Variants in POU6F2 observed in about 807,000 individuals in gnomAD.
The protein encoded by POU6F2 is POU class 6 homeobox 2, also known as POU domain, class 6, transcription factor 2.
A neutral mutation model predicts 71.3 loss-of-function variants in POU6F2; 31 were observed. The ratio of observed to expected loss-of-function variants is 0.43; its 90% CI spans 0.33 to 0.59. The LOEUF (loss-of-function observed/expected upper bound fraction) is 0.59, where lower values mean the gene tolerates loss of function less well. Among genes scored for constraint, POU6F2 ranks in the 20% least tolerant of loss-of-function variants. The pLI is 0.04. For missense variants in POU6F2, 783 were observed against 856.8 expected (o/e 0.91, Z 1.07); for synonymous variants, 347 against 355.7 (o/e 0.98, Z 0.27).
At chr7:39,398,473 T>C (rs1428276213) in intron 5 of POU6F2, among the ~76,000 whole-genome samples, 2 of 151,568 alleles carry the variant, frequency 1.3e-5, no homozygotes, top group Admixed American at 6.6e-5. Context: ...CTGTCTTCCA[T>C]ATCCCCACCC....
intron 2 of POU6F2, among the ~76,000 whole-genome samples, chr7:39,153,116 G>A (rs1187300993): frequency 9.9e-5 from 15 of 152,140 alleles, no homozygotes; most frequent in Admixed American, 1.3e-4. Context: ...GGTGATGTGC[G>A]TTGGACAAAG....
At chr7:39,134,704 G>A (rs1792354960) in intron 2 of POU6F2, among the ~76,000 whole-genome samples, 1 of 152,124 alleles carries the variant, frequency 6.6e-6, no homozygotes, top group East Asian at 1.9e-4. Flanking sequence ...GCAAGCTCCA[G>A]GCAGGCTTAG....
chr7:39,402,180 GTGATAC>G (rs1787319210), intron 5 of POU6F2, among the ~76,000 whole-genome samples: 1 of 152,190 alleles, frequency 6.6e-6, no homozygotes, highest in Non-Finnish European at 1.5e-5. Context: ...CTTCCATCAT[GTGATAC>G]TATGTATGGT....
chr7:39,131,132 T>TC (rs1792268629), intron 2 of POU6F2, among the ~76,000 whole-genome samples: 1 of 152,290 alleles, frequency 6.6e-6, no homozygotes, highest in South Asian at 2.1e-4. Context: ...TGTGAAATTT[T>TC]CCCCACGTCG....
chr7:39,080,340 C>G (rs1031631137), intron 1 of POU6F2, among the ~76,000 whole-genome samples: 10 of 152,080 alleles, frequency 6.6e-5, no homozygotes, highest in African/African-American at 2.4e-4. Context: ...TTTCCCCAAA[C>G]CTACCAACGC....
chr7:39,455,810 G>A lies in POU6F2; in HGVS notation c.1489+4109G>A, dbSNP rs143441364. On this transcript the variant is annotated intron_variant, in intron 8 of 9. Coordinates refer to ENST00000518318, the MANE Select transcript of POU6F2 (RefSeq NM_001370959.1). ...AATTCAGTATGTGCCCAGTGACCAC[G>A]CAACCAGATTCTACAAAGCAGGTTT... is the stretch of plus-strand genomic sequence containing the variant. Among the ~76,000 whole-genome samples, 105 of 152,208 alleles carry A rather than the reference G, an allele frequency of 6.9e-4. 1 individual carries two copies. In the South Asian group the frequency reaches 0.012, roughly 17 times the overall value.
intron 2 of POU6F2, among the ~76,000 whole-genome samples, chr7:39,112,376 A>G (rs1791833047): frequency 6.6e-6 from 1 of 152,240 alleles, no homozygotes; most frequent in Admixed American, 6.5e-5. Context: ...GAAATAGCAC[A>G]TAGCACAAAA....
chr7:39,211,974 C>T (rs1464650094), intron 4 of POU6F2, among the ~76,000 whole-genome samples: 1 of 151,102 alleles, frequency 6.6e-6, no homozygotes, highest in Non-Finnish European at 1.5e-5. Flanking sequence ...CTGTCAGGAA[C>T]TCTCCATTTT....
At chr7:39,355,684 C>T (rs986445344) in intron 5 of POU6F2, among the ~76,000 whole-genome samples, 2 of 152,144 alleles carry the variant, frequency 1.3e-5, no homozygotes, top group African/African-American at 2.4e-5. Flanking sequence ...CCCCAGCCTT[C>T]GCCCACACAC....
chr7:39,100,999 T>G (rs959231609), intron 2 of POU6F2, among the ~76,000 whole-genome samples: 1 of 152,106 alleles, frequency 6.6e-6, no homozygotes, highest in African/African-American at 2.4e-5. Flanking sequence ...CTGACCCGCC[T>G]TTCCACACCA....
At chr7:39,187,153 T>C (rs1211362995) in intron 2 of POU6F2, among the ~76,000 whole-genome samples, 1 of 152,198 alleles carries the variant, frequency 6.6e-6, no homozygotes, top group Non-Finnish European at 1.5e-5. Context: ...TATTTCAATT[T>C]AGAGATGACA....
chr7:39,377,080 G>GTATTAAATAACTTAAA (rs1298599375), intron 5 of POU6F2, among the ~76,000 whole-genome samples: 1 of 147,546 alleles, frequency 6.8e-6, no homozygotes, highest in Non-Finnish European at 1.5e-5. Flanking sequence ...TTTAAATTAG[G>GTATTAAATAACTTAAA]TATTAAATAA....
intron 4 of POU6F2, among the ~76,000 whole-genome samples, chr7:39,279,815 C>T (rs1483633226): frequency 1.3e-5 from 2 of 152,072 alleles, no homozygotes; most frequent in African/African-American, 2.4e-5. Flanking sequence ...AGAGCGATCT[C>T]GGCTTCCTGC....
chr7:39,418,615 AGGAGGC>A (rs1562543937), intron 6 of POU6F2, among the ~76,000 whole-genome samples: 1 of 151,962 alleles, frequency 6.6e-6, no homozygotes, highest in South Asian at 2.1e-4. Context: ...ACTTGAACCC[AGGAGGC>A]GGAGGTTGCA....
At chr7:39,289,817 T>C (rs1784717317) in intron 4 of POU6F2, among the ~76,000 whole-genome samples, 2 of 152,166 alleles carry the variant, frequency 1.3e-5, no homozygotes, top group African/African-American at 2.4e-5. Flanking sequence ...TTTCCATTAT[T>C]ATTTGTAGTG....
intron 2 of POU6F2, among the ~76,000 whole-genome samples, chr7:39,125,275 G>C (rs889745292): frequency 6.6e-6 from 1 of 152,168 alleles, no homozygotes; most frequent in Non-Finnish European, 1.5e-5. Flanking sequence ...TTAGCAGAAA[G>C]ATTCCTATAC....
intron 2 of POU6F2, among the ~76,000 whole-genome samples, chr7:39,145,178 A>T (rs1005311151): frequency 6.6e-6 from 1 of 152,192 alleles, no homozygotes; most frequent in Admixed American, 6.5e-5. Flanking sequence ...CTTTTTACAA[A>T]AATTCACTCA....
At chr7:39,070,061 C>CTTTGGTAATAATTA (rs1448106835) in intron 1 of POU6F2, among the ~76,000 whole-genome samples, 17 of 152,220 alleles carry the variant, frequency 1.1e-4, no homozygotes, top group Admixed American at 8.5e-4. Context: ...GCCACACGTG[C>CTTTGGTAATAATTA]CCAGGGAGCT....
chr7:39,003,254 C>CT (rs1002087687), intron 1 of POU6F2, among the ~76,000 whole-genome samples: 15 of 149,920 alleles, frequency 1.0e-4, no homozygotes, highest in African/African-American at 3.7e-4. Flanking sequence ...TTTTTTTTTC[C>CT]TTTTTCTAAC....
Sources: gnomAD v4.1 joint callset for allele counts (sites outside exome capture counted in the v4.1 genomes callset) on GRCh38, gnomAD v4.1.1 for gene constraint, MANE v1.5 for transcripts, NCBI Gene and HGNC (gene_info 2026-07-23, HGNC 2026-07-21) for gene names.